The following FAM107A variants were observed in gnomAD, a reference collection of about 807,000 sequenced individuals.
FAM107A encodes the protein actin-associated protein FAM107A.
In FAM107A, 19 loss-of-function variants were observed where a neutral mutation model predicts 13.7. The ratio of observed to expected loss-of-function variants is 1.38; its 90% CI spans 0.97 to 2.03. FAM107A has a LOEUF of 2.03. Ranked by LOEUF, FAM107A falls within the 30% of genes most tolerant of loss-of-function variation. The pLI, the probability that FAM107A is intolerant of heterozygous loss-of-function variation, is 0.00. For synonymous variants in FAM107A, 82 were observed against 74.5 expected, an observed-to-expected ratio of 1.10 and a Z score of -0.52; for missense variants, 203 against 184.4, an observed-to-expected ratio of 1.10 and a Z score of -0.58.
chr3:58,582,878 G>T (rs554764380), intron 1 of FAM107A, among the ~76,000 whole-genome samples: 1 of 152,102 alleles, frequency 6.6e-6, no homozygotes, highest in Admixed American at 6.5e-5. Context: ...GGCTCACTGC[G>T]ACCTCTGCCT....
chr3:58,581,839 C>G (rs968672075), upstream of FAM107A, among the ~76,000 whole-genome samples: 1 of 152,338 alleles, frequency 6.6e-6, no homozygotes, highest in African/African-American at 2.4e-5. Context: ...AAAGCTGGCT[C>G]TCCACCCAGC....
chr3:58,578,279 A>G (rs550863857), upstream of FAM107A, among the ~76,000 whole-genome samples: 1 of 152,310 alleles, frequency 6.6e-6, no homozygotes, highest in Admixed American at 6.5e-5. Flanking sequence ...TGTAAAATAT[A>G]AAAGTAGGCC....
At chr3:58,580,344 C>G (rs1442120558), upstream of FAM107A, among the ~76,000 whole-genome samples, 2 of 146,262 alleles carry the variant, frequency 1.4e-5, no homozygotes, top group African/African-American at 2.5e-5. Flanking sequence ...TACTAGATGT[C>G]ATTTGAAATG....
At position 58,617,081 on chromosome 3, in the gene FAM107A, C is replaced by A. The variant is rs7637692; in HGVS notation, c.-70+10335G>T. Among the ~76,000 whole-genome samples, 3 of 152,044 alleles carry A rather than the reference C, an allele frequency of 2.0e-5. No homozygotes were observed. The highest frequency in any genetic ancestry group is 6.5e-5 in the Admixed American group (1 of 15,268). ...GCCACCGCGCCTGGCCTCGGCTACC[C>A]AGTTTCTGATCGTTTGTTATGGCCG... On this transcript the variant is annotated intron_variant, in intron 1 of 3. Coordinates refer to the FAM107A transcript ENST00000465970. This position sits in a 1 kb window ranked among gnomAD's most constrained non-coding sequence, Gnocchi z 4.5.
At chr3:58,609,473 T>G (rs901838021) in intron 1 of FAM107A, among the ~76,000 whole-genome samples, 7 of 152,210 alleles carry the variant, frequency 4.6e-5, no homozygotes, top group Non-Finnish European at 7.3e-5. Context: ...TCTAGTCTTC[T>G]TCTTATACAC....
In FAM107A at chr3:58,564,666, G is replaced by C. The variant is rs1221418631; in HGVS notation, c.*1922C>G. ...CCTTGGAGAGCCCTCGTCCATCTGA[G>C]ACCCTCTGTCTTGCTTCTCTTCACA... On this transcript the variant is annotated 3_prime_UTR_variant, in exon 4 of 4. Transcript: ENST00000360997. This position sits in a 1 kb window ranked among gnomAD's most constrained non-coding sequence, Gnocchi z 5.6. 6.6e-6 allele frequency: 1 copy of C among 152,248 alleles called. No homozygotes were observed. The highest frequency in any genetic ancestry group is 2.4e-5 in the African/African-American group (1 of 41,452). 9.4% of individuals were successfully genotyped at this position (152,248 alleles called of 1,614,324 possible).
intron 1 of FAM107A, among the ~76,000 whole-genome samples, chr3:58,600,529 C>T (rs2065744829): frequency 1.3e-5 from 2 of 152,202 alleles, no homozygotes; most frequent in Non-Finnish European, 2.9e-5. Flanking sequence ...TCAGCTCCTT[C>T]AGTGATGGAG....
chr3:58,613,157 C>T lies in FAM107A; in HGVS notation c.-70+14259G>A, dbSNP rs193120884. Among the ~76,000 whole-genome samples the T allele has an allele frequency of 4.6e-5, 7 of 152,052 alleles. No individual in the cohort carries two copies. Among genetic ancestry groups the T allele is most frequent in the Non-Finnish European group, 4.4e-5 (3 of 68,012 alleles). ...AACTGCCTGTTTTGTCAGGTAACACCGACAAAAATAGCAGCCATTTGTTGA... is the reference window on the plus strand; with the variant it reads ...AACTGCCTGTTTTGTCAGGTAACACTGACAAAAATAGCAGCCATTTGTTGA... On this transcript the variant is annotated intron_variant, in intron 1 of 3. Coordinates refer to the FAM107A transcript ENST00000465970. The surrounding 1 kb of genome is among the most constrained non-coding windows in gnomAD (Gnocchi z 4.6).
chr3:58,594,111 C>G (rs1007960526), intron 1 of FAM107A, among the ~76,000 whole-genome samples: 1 of 152,168 alleles, frequency 6.6e-6, no homozygotes, highest in African/African-American at 2.4e-5. Context: ...CTCTTCATCT[C>G]CAAAGCCCAA....
chr3:58,619,284 G>A (rs1298079687), intron 1 of FAM107A, among the ~76,000 whole-genome samples: 1 of 152,140 alleles, frequency 6.6e-6, no homozygotes, highest in Non-Finnish European at 1.5e-5. Context: ...TACAGGCCGT[G>A]AGCCACTGTA....
At chr3:58,608,460 T>C (rs2065819449) in intron 1 of FAM107A, among the ~76,000 whole-genome samples, 1 of 152,160 alleles carries the variant, frequency 6.6e-6, no homozygotes, top group Admixed American at 6.5e-5. Context: ...ACTCCTTCCT[T>C]ATCTATGGAA....
At chr3:58,576,710 G>T (rs2063733723) in intron 1 of FAM107A, among the ~76,000 whole-genome samples, 1 of 152,234 alleles carries the variant, frequency 6.6e-6, no homozygotes, top group African/African-American at 2.4e-5. Context: ...AGAAAGGCAG[G>T]CCCTTCACAC....
upstream of FAM107A, chr3:58,589,071 C>T: frequency 3.1e-6 from 2 of 635,856 alleles, no homozygotes. Flanking sequence ...AGAACTTATG[C>T]TGCAAGGGAG....
intron 1 of FAM107A, among the ~76,000 whole-genome samples, chr3:58,624,479 AC>A (rs2065990559): frequency 6.7e-6 from 1 of 150,368 alleles, no homozygotes; most frequent in African/African-American, 2.4e-5. Flanking sequence ...CTCTCTGCCC[AC>A]CCCACAGCTG....
chr3:58,595,853 T>C (rs9836246), intron 1 of FAM107A, among the ~76,000 whole-genome samples: 66,931 of 152,050 alleles, frequency 0.44, 15,663 homozygotes, highest in East Asian at 0.62. Context: ...ATTTGGTGAG[T>C]GAGAGAATCT....
chr3:58,601,509 G>A (rs904964138), intron 1 of FAM107A, among the ~76,000 whole-genome samples: 1 of 152,254 alleles, frequency 6.6e-6, no homozygotes, highest in East Asian at 1.9e-4. Flanking sequence ...TTTCATAGCA[G>A]AGGTCATTGG....
chr3:58,587,009 C>A, exon 1 of FAM107A: 2 of 1,414,150 alleles, frequency 1.4e-6, no homozygotes, highest in South Asian at 1.4e-5. Flanking sequence ...AGTCCGGAGC[C>A]GAAGCGCCTC....
intron 1 of FAM107A, among the ~76,000 whole-genome samples, chr3:58,584,918 A>C (rs548642525): frequency 6.6e-6 from 1 of 152,196 alleles, no homozygotes; most frequent in African/African-American, 2.4e-5. Flanking sequence ...TTCATTTTCA[A>C]TACATCTTTG....
intron 1 of FAM107A, among the ~76,000 whole-genome samples, chr3:58,598,585 A>G (rs139067455): frequency 6.6e-6 from 1 of 152,334 alleles, no homozygotes; most frequent in East Asian, 1.9e-4. Context: ...AATGCTTGCA[A>G]AATAGTTCAC....
Sources: allele counts gnomAD v4.1 joint callset (sites outside exome capture counted in the v4.1 genomes callset), GRCh38; gene constraint gnomAD v4.1.1; non-coding constraint Gnocchi (gnomAD v3.1); transcripts MANE v1.5; gene names NCBI Gene and HGNC (gene_info 2026-07-23, HGNC 2026-07-21).